Variants in PIEZO1 observed in about 807,000 individuals in gnomAD.
PIEZO1 encodes the protein piezo-type mechanosensitive ion channel component 1.
In PIEZO1, 296 loss-of-function variants were observed where a neutral mutation model predicts 297.2. That is an observed-to-expected ratio of 1.00 (90% confidence interval 0.91 to 1.10). The LOEUF is 1.10. Among genes scored for constraint, PIEZO1 ranks in the 50% least tolerant of loss-of-function variants. The pLI, the probability that PIEZO1 is intolerant of heterozygous loss-of-function variation, is 0.00. For synonymous variants in PIEZO1, 2,427 were observed against 1,507.5 expected, an observed-to-expected ratio of 1.61 and a Z score of -14.13; for missense variants, 5,018 against 3,455.5, an observed-to-expected ratio of 1.45 and a Z score of -11.34.
chr16:88,742,903 G>C (rs553157261), intron 2 of PIEZO1: 5 of 372,164 alleles, frequency 1.3e-5, no homozygotes, highest in Non-Finnish European at 2.2e-5. Flanking sequence ...CTGGAGAAAA[G>C]TGGGGCAGGC....
chr16:88,731,739 G>T lies in PIEZO1; in HGVS notation c.3163C>A (p.Leu1055Met). 6.5e-7 allele frequency: 1 copy of T among 1,549,868 alleles called. No individual in the cohort carries two copies. The highest frequency in any genetic ancestry group is 1.2e-5 in the South Asian group (1 of 84,044). Reference protein sequence around the residue: ...LALFLLYQYLLCLGMPPALCI... With the variant: ...LALFLLYQYLMCLGMPPALCI... ...AGGGCCGGGGGCATCCCCAGGCACA[G>T]CAGGTACTGGTACAGCAGGAACAGC... The change falls in exon 22 of 51, where the codon CTG becomes ATG. Residue 1055 changes from leucine (L) to methionine (M), a missense_variant. Coordinates refer to ENST00000301015, the MANE Select transcript of PIEZO1 (RefSeq NM_001142864.4).
intron 1 of PIEZO1, 145 bp downstream of exon 1, chr16:88,784,756 G>A: frequency 2.0e-6 from 1 of 505,720 alleles, no homozygotes. Flanking sequence ...TCAGGAATGC[G>A]GGCGCCCGGG....
rs1415744866 is a variant in PIEZO1, at chr16:88,784,920, C to G, written c.45G>C (p.Leu15=). 4 of 1,436,178 alleles carry G rather than the reference C, an allele frequency of 2.8e-6. No homozygotes were observed. The highest frequency in any genetic ancestry group is 3.7e-6 in the Non-Finnish European group (4 of 1,092,696). 89.0% of individuals were successfully genotyped at this position (1,436,178 alleles called of 1,614,324 possible). A position where few individuals can be genotyped will look rare whatever the true frequency, so the allele number is the denominator to read the frequency against. Residue 15 remains leucine, a synonymous_variant, in exon 1 of 51, where the codon CTG becomes CTC. Transcript: ENST00000301015. ...ACTCACCAGCCAGCAGCGCGCAGGG[C>G]AGCAGCAGCCAGTACAGGACCGCGC... The part of the protein sequence containing the change: ...VLGAVLYWLL[L]PCALLAACLL...
intron 1 of PIEZO1, 106 bp from the exon 2 acceptor site, chr16:88,749,585 G>A: frequency 5.9e-6 from 5 of 843,934 alleles, no homozygotes; most frequent in South Asian, 1.7e-5. Flanking sequence ...GAGGCCGTGT[G>A]CCCTGTGAGT....
chr16:88,721,195 CCCT>C lies in PIEZO1; in HGVS notation c.5636_5638del (p.Glu1879del), dbSNP rs1252817427. ...GGCTGCCGCTCCTTTCCGTGCTGGG[CCCT>C]CCTTCTTCCTTCTTCTAAAACGTAG... is the stretch of plus-strand genomic sequence containing the variant. On this transcript the variant is annotated inframe_deletion, in exon 39 of 51. Transcript: ENST00000301015. The C allele has an allele frequency of 1.3e-6, 2 of 1,504,064 alleles. No individual in the cohort carries two copies. The highest frequency in any genetic ancestry group is 1.8e-6 in the Non-Finnish European group (2 of 1,124,464). The allele number at this position is 1,504,064 out of a possible 1,614,324, so 93.2% of individuals were successfully genotyped here.
In PIEZO1 at chr16:88,785,022, G is replaced by T; in HGVS notation, c.-58C>A. 9.2e-7 allele frequency: 1 copy of T among 1,090,972 alleles called. No homozygotes were observed. The highest frequency in any genetic ancestry group is 1.1e-6 in the Non-Finnish European group (1 of 872,112). The allele number at this position is 1,090,972 out of a possible 1,614,324, so 67.6% of individuals were successfully genotyped here. On this transcript the variant is annotated 5_prime_UTR_variant, in exon 1 of 51. Coordinates refer to ENST00000301015, the MANE Select transcript of PIEZO1 (RefSeq NM_001142864.4). The stretch of plus-strand genomic sequence containing the variant: ...GCGGACGCCGCGGCGCTATGGGGCG[G>T]TGCGGGGGCCCCGGGGCCGGCGCGC...
intron 1 of PIEZO1, among the ~76,000 whole-genome samples, chr16:88,774,202 G>A (rs528712401): frequency 1.3e-5 from 2 of 152,114 alleles, no homozygotes; most frequent in Non-Finnish European, 1.5e-5. Context: ...GGATGGCGAC[G>A]CCCAGTGACT....
At chr16:88,745,706 G>A (rs1178462344) in intron 2 of PIEZO1, 16 of 129,762 alleles carry the variant, frequency 1.2e-4, no homozygotes, top group African/African-American at 3.8e-4. Context: ...TTGAGATCGC[G>A]CCACTGCACT....
intron 22 of PIEZO1, 144 bp downstream of exon 22, chr16:88,731,562 G>T: frequency 1.6e-6 from 1 of 632,258 alleles, no homozygotes; most frequent in Non-Finnish European, 2.8e-6. Flanking sequence ...CGCCTGGGTA[G>T]GATGTGGAGC....
chr16:88,735,865 G>C (rs982666233), intron 12 of PIEZO1, among the ~76,000 whole-genome samples: 1 of 152,154 alleles, frequency 6.6e-6, no homozygotes, highest in African/African-American at 2.4e-5. Flanking sequence ...CACACACAGT[G>C]TCGGGGCACA....
chr16:88,739,285 A>C (rs1288968747), intron 5 of PIEZO1: 2 of 152,984 alleles, frequency 1.3e-5, no homozygotes, highest in Non-Finnish European at 2.9e-5. Flanking sequence ...AGAAGAAGTG[A>C]CAGGCCGGCC....
At chr16:88,724,554 G>T (rs991605553) in intron 30 of PIEZO1, among the ~76,000 whole-genome samples, 2 of 151,016 alleles carry the variant, frequency 1.3e-5, no homozygotes, top group Admixed American at 6.6e-5. Context: ...AAAAGGCCTG[G>T]AGTGGGGCAC....
At position 88,725,427 on chromosome 16, in the gene PIEZO1, C is replaced by G. The variant is rs1004838478; in HGVS notation, c.4151G>C (p.Gly1384Ala). The change falls in exon 29 of 51, where the codon GGC (glycine) becomes GCC (alanine). Residue 1384 changes from glycine (G) to alanine (A), a missense_variant. Coordinates refer to ENST00000301015, the MANE Select transcript of PIEZO1 (RefSeq NM_001142864.4). ...CCAGCTGCACTCACCTGGCTCCAGG[C>G]CGGGGTCCTTGGGGCCCAGGGTGTC... ...PQDTLGPKDPGLEPGPDSPGG... is the reference protein window; with the variant it reads ...PQDTLGPKDPALEPGPDSPGG... 1.4e-6 allele frequency: 2 copies of G among 1,460,796 alleles called. No individual in the cohort carries two copies. The highest frequency in any genetic ancestry group is 1.4e-5 in the African/African-American group (1 of 70,220). The allele number at this position is 1,460,796 out of a possible 1,614,324, so 90.5% of individuals were successfully genotyped here.
intron 1 of PIEZO1, among the ~76,000 whole-genome samples, chr16:88,772,775 CAAA>C (rs59210137): frequency 1.6e-5 from 2 of 122,500 alleles, no homozygotes; most frequent in Non-Finnish European, 1.7e-5. Flanking sequence ...GAGACTCTGT[CAAA>C]AAAAAAAAAA....
At chr16:88,723,472 A>T in intron 31 of PIEZO1, 144 bp from the exon 32 acceptor site, 1 of 954,722 alleles carries the variant, frequency 1.0e-6, no homozygotes, top group African/African-American at 1.6e-5. Flanking sequence ...CCCCTCCCGG[A>T]TGGGGACCCT....
rs1445678133 is a variant in PIEZO1, at chr16:88,730,186, C to G, written c.3196+1520G>C. On this transcript the variant is annotated intron_variant, in intron 22 of 50. Transcript: ENST00000301015. ...ACAGGCACACCCAGCGCCCAGACCC[C>G]GGGCTCTAAACCTCACGCTCCTAGA... 7.2e-5 allele frequency among the ~76,000 whole-genome samples: 11 copies of G among 152,260 alleles called. No homozygotes were observed. In the East Asian group the frequency reaches 2.1e-3, roughly 29 times the overall value.
intron 1 of PIEZO1, among the ~76,000 whole-genome samples, chr16:88,780,775 A>G (rs1290767666): frequency 6.6e-6 from 1 of 152,222 alleles, no homozygotes; most frequent in Non-Finnish European, 1.5e-5. Flanking sequence ...AGCCTGGCCA[A>G]AGTGGTGAAA....
chr16:88,733,138 C>T lies in PIEZO1; in HGVS notation c.2664+140G>A, dbSNP rs189153619. 1,371 of 770,602 alleles carry T rather than the reference C, an allele frequency of 1.8e-3. 5 individuals carry two copies. Among genetic ancestry groups the T allele is most frequent in the Middle Eastern group, 6.2e-3 (16 of 2,582 alleles). 47.7% of individuals were successfully genotyped at this position (770,602 alleles called of 1,614,324 possible). A position where few individuals can be genotyped will look rare whatever the true frequency, so the allele number is the denominator to read the frequency against. On this transcript the variant is annotated intron_variant, in intron 19 of 50. Coordinates refer to ENST00000301015, the MANE Select transcript of PIEZO1 (RefSeq NM_001142864.4). Reference sequence around the variant, plus strand: ...GTCGAAGGATGCTGCCTCCAGGAAGCCCCCTTGGCGCCCCCAGGGGAGAGT... The same window carrying T: ...GTCGAAGGATGCTGCCTCCAGGAAGTCCCCTTGGCGCCCCCAGGGGAGAGT...
At chr16:88,724,552 T>C (rs1322082118) in intron 30 of PIEZO1, among the ~76,000 whole-genome samples, 1 of 137,666 alleles carries the variant, frequency 7.3e-6, no homozygotes, top group Non-Finnish European at 1.6e-5. Flanking sequence ...AAAAAAGGCC[T>C]GGAGTGGGGC....
Sources: allele counts gnomAD v4.1 joint callset (sites outside exome capture counted in the v4.1 genomes callset), GRCh38; gene constraint gnomAD v4.1.1; transcripts MANE v1.5; gene names NCBI Gene and HGNC (gene_info 2026-07-23, HGNC 2026-07-21).